The following KCNQ2 variants were observed in gnomAD, a reference collection of about 807,000 sequenced individuals.
The protein encoded by KCNQ2 is potassium voltage-gated channel subfamily Q member 2, also known as potassium voltage-gated channel subfamily KQT member 2.
Under a neutral mutation model 84.8 loss-of-function variants are expected in KCNQ2, and 14 were observed. The observed-to-expected ratio is 0.17, with a 90% confidence interval of 0.11 to 0.26. The LOEUF (loss-of-function observed/expected upper bound fraction) is 0.26. KCNQ2 is among the 10% of genes least tolerant of loss of function. The pLI, the probability that KCNQ2 is intolerant of heterozygous loss-of-function variation, is 1.00. For synonymous variants in KCNQ2, 599 were observed against 554.1 expected (o/e 1.08, Z -1.14); for missense variants, 788 against 1,254.0 (o/e 0.63, Z 5.61).
At position 63,406,487 on chromosome 20, in the gene KCNQ2, G is replaced by A. The variant is rs2145480182; in HGVS notation, c.*157C>T. On this transcript the variant is annotated 3_prime_UTR_variant, in exon 17 of 17. Coordinates refer to ENST00000359125, the MANE Select transcript of KCNQ2 (RefSeq NM_172107.4). ...CTTTTGTAAAAGGTCACTGCCAGGA[G>A]CCCCCATCCTTCAGCCCACATGGGC... 2.3e-6 allele frequency: 2 copies of A among 851,682 alleles called. No homozygotes were observed. Among genetic ancestry groups the A allele is most frequent in the Admixed American group, 2.9e-5 (1 of 34,104 alleles). 52.8% of individuals were successfully genotyped at this position (851,682 alleles called of 1,614,324 possible).
chr20:63,406,788 C>T lies in KCNQ2; in HGVS notation c.2475G>A (p.Ala825=), dbSNP rs1479290036. ...DALNSCYAAV[A]PCAKVRPYIA... is the part of the protein sequence containing the mutation. ...TGTAGGGCCTGACTTTGGCACAAGG[C>T]GCCACGGCCGCGTAGCAGCTGTTGA... The change falls in exon 17 of 17, where the codon GCG becomes GCA. Residue 825 remains alanine, a synonymous_variant. Coordinates refer to ENST00000359125, the MANE Select transcript of KCNQ2 (RefSeq NM_172107.4). 2.5e-6 allele frequency: 4 copies of T among 1,612,572 alleles called. No homozygotes were observed. In the East Asian group the frequency reaches 6.7e-5, roughly 27 times the overall value.
At chr20:63,440,312 G>C (rs1265052821) in intron 5 of KCNQ2, among the ~76,000 whole-genome samples, 2 of 152,086 alleles carry the variant, frequency 1.3e-5, no homozygotes, top group African/African-American at 4.8e-5. Flanking sequence ...GGTGAGCCCA[G>C]GAGCACCCGA....
chr20:63,444,470 G>C (rs1234674689), intron 4 of KCNQ2, among the ~76,000 whole-genome samples, 189 bp downstream of exon 4: 1 of 152,228 alleles, frequency 6.6e-6, no homozygotes, highest in Non-Finnish European at 1.5e-5. Flanking sequence ...CAAGTCACGA[G>C]AAGAAGCACC....
intron 7 of KCNQ2, among the ~76,000 whole-genome samples, chr20:63,435,756 G>A (rs560342127): frequency 2.6e-5 from 4 of 152,258 alleles, no homozygotes; most frequent in African/African-American, 4.8e-5. Flanking sequence ...ACCAGTGAAC[G>A]GCTGCCAACT....
chr20:63,429,702 A>G (rs921001156), intron 9 of KCNQ2, among the ~76,000 whole-genome samples: 3 of 152,094 alleles, frequency 2.0e-5, no homozygotes, highest in African/African-American at 7.2e-5. Context: ...ATTGTCCCTC[A>G]GGGCTTGGTG....
intron 2 of KCNQ2, 142 bp from the exon 3 acceptor site, chr20:63,445,506 C>G: frequency 1.3e-5 from 11 of 855,814 alleles, no homozygotes; most frequent in Non-Finnish European, 2.0e-5. Flanking sequence ...AGCTGACCCC[C>G]CCACCCCTCT....
intron 1 of KCNQ2, chr20:63,463,907 C>T (rs1025937497): frequency 6.6e-6 from 1 of 151,998 alleles, no homozygotes; most frequent in African/African-American, 2.4e-5. Flanking sequence ...GAGCCCAGCC[C>T]CTGCCACACC....
chr20:63,406,604 T>C lies in KCNQ2; in HGVS notation c.*40A>G. 1 of 1,557,534 alleles carries C rather than the reference T, an allele frequency of 6.4e-7. No individual in the cohort carries two copies. Among genetic ancestry groups the C allele is most frequent in the Non-Finnish European group, 8.6e-7 (1 of 1,158,294 alleles). Reference sequence around the variant, plus strand: ...CCTCAAAACCTCGGAGGCACCGTGCTGAGGAGGGCCGCGGGCGGGTCCACT... The same window carrying C: ...CCTCAAAACCTCGGAGGCACCGTGCCGAGGAGGGCCGCGGGCGGGTCCACT... On this transcript the variant is annotated 3_prime_UTR_variant, in exon 17 of 17. Transcript: ENST00000359125.
intron 7 of KCNQ2, chr20:63,434,135 G>A (rs900449422): frequency 4.0e-5 from 22 of 553,750 alleles, no homozygotes; most frequent in Non-Finnish European, 6.0e-5. Flanking sequence ...CCTGAAGGAG[G>A]GGAGCGGTTG....
intron 1 of KCNQ2, 22 bp downstream of exon 1, chr20:63,472,146 G>A (rs767864106): frequency 6.8e-7 from 1 of 1,473,728 alleles, no homozygotes; most frequent in Admixed American, 2.4e-5. Flanking sequence ...GGGTCGCCAC[G>A]GGGGCCCCGC....
At chr20:63,444,034 CG>C (rs1157957541) in intron 4 of KCNQ2, among the ~76,000 whole-genome samples, 3 of 152,256 alleles carry the variant, frequency 2.0e-5, no homozygotes, top group Admixed American at 6.5e-5. Context: ...GAGGGGCCAC[CG>C]GGGGCTGACC....
Position 63,452,031 on chromosome 20 carries a change from G to A in KCNQ2, c.297-5194C>T, listed in dbSNP as rs537512180. The stretch of plus-strand genomic sequence containing the variant: ...TGGAGGCTTCGGGCACAGGCGGCCC[G>A]GCCAAGGTCAGCCCCACCAACTGCC... On this transcript the variant is annotated intron_variant, in intron 1 of 16. Coordinates refer to ENST00000359125, the MANE Select transcript of KCNQ2 (RefSeq NM_172107.4). Among the ~76,000 whole-genome samples, 214 of 152,378 alleles carry A rather than the reference G, an allele frequency of 1.4e-3. 1 individual carries two copies. Among genetic ancestry groups the A allele is most frequent in the African/African-American group, 4.8e-3 (199 of 41,592 alleles).
chr20:63,406,090 G>A lies in KCNQ2; in HGVS notation c.*554C>T, dbSNP rs2079922229. 2 of 154,426 alleles carry A rather than the reference G, an allele frequency of 1.3e-5. No individual in the cohort carries two copies. Among genetic ancestry groups the A allele is most frequent in the African/African-American group, 2.4e-5 (1 of 41,458 alleles). 9.6% of individuals were successfully genotyped at this position (154,426 alleles called of 1,614,324 possible). On this transcript the variant is annotated 3_prime_UTR_variant, in exon 17 of 17. Coordinates refer to ENST00000359125, the MANE Select transcript of KCNQ2 (RefSeq NM_172107.4). ...CTCTGTATTTGGGCGCCCCTGAGGT[G>A]GGGAACAGGAAAGCCCGCCGGGCAG...
rs888155627 is a variant in KCNQ2, at chr20:63,403,872, C to G, written c.*2772G>C. The G allele has an allele frequency of 1.3e-5, 2 of 152,294 alleles. No individual in the cohort carries two copies. The highest frequency in any genetic ancestry group is 1.3e-4 in the Admixed American group (2 of 15,288). The allele number at this position is 152,294 out of a possible 1,614,324, so 9.4% of individuals were successfully genotyped here. ...TGGCCACGCTCATTCACGCAGACAC[C>G]CGAGGCAGCGCCGCACCACCTCCAG... On this transcript the variant is annotated 3_prime_UTR_variant, in exon 17 of 17. Transcript: ENST00000359125.
chr20:63,444,371 G>C (rs902125335), intron 4 of KCNQ2, among the ~76,000 whole-genome samples: 5 of 152,310 alleles, frequency 3.3e-5, no homozygotes, highest in African/African-American at 9.6e-5. Context: ...AAGGGTTCGC[G>C]GCAGGAAGGT....
chr20:63,423,928 G>A, intron 11 of KCNQ2: 1 of 497,204 alleles, frequency 2.0e-6, no homozygotes, highest in South Asian at 2.6e-5. Context: ...CCCCCGAGAA[G>A]CCGCCCAGCT....
chr20:63,433,974 G>A lies in KCNQ2; in HGVS notation c.1024-71C>T, dbSNP rs374406767. On this transcript the variant is annotated intron_variant, in intron 7 of 16. Transcript: ENST00000359125. Reference sequence around the variant, plus strand: ...GGGCGCGCCCAGGAGGGCCGGGCGTGGAGGGAACGGGGCAGAGGGGACCCC... The same window carrying A: ...GGGCGCGCCCAGGAGGGCCGGGCGTAGAGGGAACGGGGCAGAGGGGACCCC... 33 of 1,374,776 alleles carry A rather than the reference G, an allele frequency of 2.4e-5. No individual in the cohort carries two copies. The East Asian group carries it at 3.0e-4, about 12-fold the overall frequency. 85.2% of individuals were successfully genotyped at this position (1,374,776 alleles called of 1,614,324 possible). A position where few individuals can be genotyped will look rare whatever the true frequency, so the allele number is the denominator to read the frequency against.
At chr20:63,431,488 A>C in intron 8 of KCNQ2, 119 bp from the exon 9 acceptor site, 1 of 1,165,816 alleles carries the variant, frequency 8.6e-7, no homozygotes, top group African/African-American at 1.5e-5. Context: ...CAGAACAAAG[A>C]AAATTAGCAC....
intron 1 of KCNQ2, among the ~76,000 whole-genome samples, chr20:63,470,003 C>A (rs2082173290): frequency 6.6e-6 from 1 of 152,256 alleles, no homozygotes; most frequent in Non-Finnish European, 1.5e-5. Context: ...GTGATGCCCC[C>A]CAGCAGTGGT....
Sources: allele counts gnomAD v4.1 joint callset (sites outside exome capture counted in the v4.1 genomes callset), GRCh38; gene constraint gnomAD v4.1.1; transcripts MANE v1.5; gene names NCBI Gene and HGNC (gene_info 2026-07-23, HGNC 2026-07-21).